The following CFAP161 variants were observed in gnomAD, a reference collection of about 807,000 sequenced individuals.
CFAP161 encodes the protein cilia- and flagella-associated protein 161.
CFAP161 carries 25 observed loss-of-function variants against 29.0 expected under a neutral mutation model. The ratio of observed to expected loss-of-function variants is 0.86; its 90% CI spans 0.63 to 1.20. CFAP161 has a LOEUF of 1.20. Among genes scored for constraint, CFAP161 ranks in the 50% most tolerant of loss-of-function variants. The probability of loss-of-function intolerance (pLI) is 0.00; values close to 1 mark genes in which losing one functional copy is unlikely to be tolerated. For missense variants in CFAP161, 367 were observed against 371.9 expected, an observed-to-expected ratio of 0.99 and a Z score of 0.11; for synonymous variants, 116 against 137.4, an observed-to-expected ratio of 0.84 and a Z score of 1.09.
chr15:81,126,629 A>G (rs969180175), intron 1 of CFAP161, among the ~76,000 whole-genome samples: 9 of 152,118 alleles, frequency 5.9e-5, no homozygotes, highest in Non-Finnish European at 1.0e-4. Context: ...TGAGCTCAAG[A>G]TTTTGACCTG....
intron 1 of CFAP161, among the ~76,000 whole-genome samples, chr15:81,119,264 G>A (rs1029143891): frequency 2.6e-5 from 4 of 152,080 alleles, no homozygotes; most frequent in African/African-American, 9.7e-5. Flanking sequence ...GTTCCCAGTT[G>A]ACAAAGAAAT....
chr15:81,145,007 A>G (rs1029292186), intron 5 of CFAP161, among the ~76,000 whole-genome samples: 57 of 152,198 alleles, frequency 3.7e-4, no homozygotes, highest in African/African-American at 1.3e-3. Context: ...AGGCCTCCCT[A>G]TTTCAAGGAC....
At chr15:81,127,694 C>T (rs1240141429) in exon 2 of CFAP161, 2 of 152,166 alleles carry the variant, frequency 1.3e-5, no homozygotes, top group South Asian at 2.1e-4. Flanking sequence ...GAAAAGATGA[C>T]AGCCATGGAA....
chr15:81,122,912 T>G (rs1008415675), intron 1 of CFAP161, among the ~76,000 whole-genome samples: 1 of 152,214 alleles, frequency 6.6e-6, no homozygotes, highest in Admixed American at 6.5e-5. Context: ...AGTTCTCGAT[T>G]AAGTTCCTTA....
At chr15:81,110,136 C>A (rs1448506214) in intron 1 of CFAP161, among the ~76,000 whole-genome samples, 1 of 151,992 alleles carries the variant, frequency 6.6e-6, no homozygotes, top group Non-Finnish European at 1.5e-5. Flanking sequence ...TGTTTTGGTG[C>A]AAAATTTTTT....
At chr15:81,117,804 G>T in intron 1 of CFAP161, 1 of 306,782 alleles carries the variant, frequency 3.3e-6, no homozygotes, top group Non-Finnish European at 6.4e-6. Flanking sequence ...CTACATCTTC[G>T]TCTTCATCTT....
intron 1 of CFAP161, among the ~76,000 whole-genome samples, chr15:81,124,527 A>C (rs1393763688): frequency 6.6e-6 from 1 of 152,214 alleles, no homozygotes; most frequent in Non-Finnish European, 1.5e-5. Context: ...CTGGCCTCAT[A>C]GAATGAGTTA....
chr15:81,131,583 G>C (rs1480854276), upstream of CFAP161, among the ~76,000 whole-genome samples: 1 of 152,044 alleles, frequency 6.6e-6, no homozygotes, highest in Non-Finnish European at 1.5e-5. Context: ...GTTTGAGCCA[G>C]CAAAACAAAA....
intron 2 of CFAP161, among the ~76,000 whole-genome samples, chr15:81,136,096 A>G (rs1894804488): frequency 6.6e-6 from 1 of 152,266 alleles, no homozygotes; most frequent in Non-Finnish European, 1.5e-5. Flanking sequence ...TTTGGAAAAT[A>G]ACAGTTTTTA....
At chr15:81,133,501 T>A (rs1005764006), upstream of CFAP161, among the ~76,000 whole-genome samples, 14 of 152,112 alleles carry the variant, frequency 9.2e-5, no homozygotes, top group Non-Finnish European at 1.5e-4. Context: ...AGACACTAAA[T>A]AGAGGTAAAT....
At chr15:81,137,519 C>T (rs958343498) in intron 3 of CFAP161, among the ~76,000 whole-genome samples, 4 of 152,134 alleles carry the variant, frequency 2.6e-5, no homozygotes, top group Non-Finnish European at 5.9e-5. Context: ...TCACTTGAAC[C>T]TGGGAGGTGG....
chr15:81,124,515 T>C (rs1894615898), intron 1 of CFAP161, among the ~76,000 whole-genome samples: 1 of 152,200 alleles, frequency 6.6e-6, no homozygotes. Flanking sequence ...ATCAGGATGA[T>C]GCTGGCCTCA....
intron 2 of CFAP161, among the ~76,000 whole-genome samples, chr15:81,128,521 T>C (rs1358518742): frequency 6.6e-6 from 1 of 152,222 alleles, no homozygotes; most frequent in Non-Finnish European, 1.5e-5. Context: ...AGAGTGATCT[T>C]TTTCAGATTC....
rs558347034 is a variant in CFAP161, at chr15:81,128,235, T to A, written c.-7+511T>A. The stretch of plus-strand genomic sequence containing the variant: ...AGTGACTCTGTTTTAATTCTGACAA[T>A]TTTCATACATGAAAAATTTCTCTGT... On this transcript the variant is annotated intron_variant, in intron 2 of 4. Coordinates refer to the CFAP161 transcript ENST00000560091. 2.7e-4 allele frequency among the ~76,000 whole-genome samples: 41 copies of A among 152,314 alleles called. 3 individuals carry two copies. The South Asian group carries it at 7.3e-3, about 27-fold the overall frequency.
intron 4 of CFAP161, among the ~76,000 whole-genome samples, chr15:81,138,850 A>G (rs1284818772): frequency 6.6e-6 from 1 of 152,184 alleles, no homozygotes; most frequent in African/African-American, 2.4e-5. Context: ...ACTGATGGAA[A>G]AACTGAGGCA....
chr15:81,143,967 A>T, intron 5 of CFAP161, 147 bp downstream of exon 5: 1 of 867,620 alleles, frequency 1.2e-6, no homozygotes, highest in South Asian at 2.3e-5. Flanking sequence ...TAACACACAG[A>T]CTTATAGCTC....
At chr15:81,139,886 C>T (rs991830476) in intron 4 of CFAP161, among the ~76,000 whole-genome samples, 2 of 152,186 alleles carry the variant, frequency 1.3e-5, no homozygotes, top group Non-Finnish European at 1.5e-5. Flanking sequence ...TGATCATATA[C>T]TGCTTCATTA....
At chr15:81,126,346 AT>A (rs956467773) in intron 1 of CFAP161, among the ~76,000 whole-genome samples, 3 of 150,902 alleles carry the variant, frequency 2.0e-5, no homozygotes, top group East Asian at 1.9e-4. Flanking sequence ...CCTTCATCTT[AT>A]TTTTTTTTAG....
At chr15:81,118,031 T>TA in intron 1 of CFAP161, 1 of 505,110 alleles carries the variant, frequency 2.0e-6, no homozygotes, top group Non-Finnish European at 3.7e-6. Context: ...ACCTCACAGT[T>TA]AAAGAGGTCC....
Sources: allele counts gnomAD v4.1 joint callset (sites outside exome capture counted in the v4.1 genomes callset), GRCh38; gene constraint gnomAD v4.1.1; transcripts MANE v1.5; gene names NCBI Gene and HGNC (gene_info 2026-07-23, HGNC 2026-07-21).